Variants in FER1L5 observed in about 807,000 individuals in gnomAD.
FER1L5 encodes fer-1 like family member 5.
FER1L5 carries 187 observed loss-of-function variants against 279.9 expected under a neutral mutation model. The observed-to-expected ratio is 0.67, with a 90% CI of 0.59 to 0.75. The LOEUF is 0.75. Among genes scored for constraint, FER1L5 ranks in the 30% least tolerant of loss-of-function variants. The probability of loss-of-function intolerance (pLI) is 0.00; values close to 1 mark genes in which losing one functional copy is unlikely to be tolerated. For synonymous variants in FER1L5, 921 were observed against 989.7 expected (o/e 0.93, Z 1.30); for missense variants, 2,091 against 2,594.4 (o/e 0.81, Z 4.21).
intron 10 of FER1L5, among the ~76,000 whole-genome samples, 177 bp downstream of exon 10, chr2:96,660,548 A>T (rs1433215463): frequency 6.6e-6 from 1 of 152,012 alleles, no homozygotes; most frequent in Non-Finnish European, 1.5e-5. Context: ...ATTTTACCTT[A>T]TTTTTTAATT....
chr2:96,659,290 T>TCTCCTTCCTTCCTTCCTTCC (rs2075732527), intron 9 of FER1L5, among the ~76,000 whole-genome samples: 1 of 80,942 alleles, frequency 1.2e-5, no homozygotes. Flanking sequence ...TTTATCAAGC[T>TCTCCTTCCTTCCTTCCTTCC]TTCCTTCCTT....
rs1212183750 is a variant in FER1L5, at chr2:96,661,441, G to A, written c.894+1G>A. On this transcript the variant is annotated splice_donor_variant, in intron 11 of 52. Transcript: ENST00000624922. LOFTEE classifies it high-confidence loss of function. ...CCTCGGTGTGGGAGACCAGGCCCTG[G>A]TGAGCTGCCCCTAACCCCGGAAACT... 5.8e-6 allele frequency: 9 copies of A among 1,551,244 alleles called. No individual in the cohort carries two copies. Among genetic ancestry groups the A allele is most frequent in the East Asian group, 2.4e-5 (1 of 40,924 alleles).
intron 14 of FER1L5, among the ~76,000 whole-genome samples, chr2:96,663,754 A>G (rs1010577610): frequency 6.6e-6 from 1 of 152,160 alleles, no homozygotes; most frequent in Non-Finnish European, 1.5e-5. Flanking sequence ...TTTAAAATGT[A>G]CAATTTGGCT....
At chr2:96,666,992 T>C (rs1332714355) in intron 14 of FER1L5, among the ~76,000 whole-genome samples, 15 of 152,088 alleles carry the variant, frequency 9.9e-5, no homozygotes, top group Admixed American at 9.8e-4. Flanking sequence ...GAGGAAACCA[T>C]AATGCAGAGT....
chr2:96,697,893 G>A, intron 39 of FER1L5, 132 bp downstream of exon 39: 1 of 1,446,624 alleles, frequency 6.9e-7, no homozygotes, highest in Non-Finnish European at 9.4e-7. Context: ...AGCTCCAGCT[G>A]CCACCCTGTC....
chr2:96,670,249 T>A lies in FER1L5; in HGVS notation c.1491+2T>A. 7 of 1,550,498 alleles carry A rather than the reference T, an allele frequency of 4.5e-6. No homozygotes were observed. The highest frequency in any genetic ancestry group is 6.1e-6 in the Non-Finnish European group (7 of 1,146,262). On this transcript the variant is annotated splice_donor_variant, in intron 18 of 52. Coordinates refer to ENST00000624922, the MANE Select transcript of FER1L5 (RefSeq NM_001293083.2). LOFTEE classifies it high-confidence loss of function. ...TCCCATGAAGTGACCAGGATAGAGG[T>A]AACTGCGGGAAACAGGTAACCCAGG... is the stretch of plus-strand genomic sequence containing the variant.
intron 4 of FER1L5, 111 bp from the exon 5 acceptor site, chr2:96,649,512 G>C: frequency 1.0e-6 from 1 of 975,902 alleles, no homozygotes; most frequent in Non-Finnish European, 1.6e-6. Context: ...CTAGCATCAC[G>C]GCCCCCACCA....
intron 9 of FER1L5, among the ~76,000 whole-genome samples, chr2:96,659,384 T>TC (rs2075798662): frequency 9.7e-5 from 1 of 10,336 alleles, no homozygotes; most frequent in Non-Finnish European, 1.5e-4. Flanking sequence ...TTTCTTTCTT[T>TC]CTTTCTTTCT....
chr2:96,682,256 C>CT lies in FER1L5; in HGVS notation c.1670-2064dup, dbSNP rs538830936. On this transcript the variant is annotated intron_variant, in intron 19 of 52. Transcript: ENST00000624922. ...TGCCCACCATCACACTCGGCTAATT[C>CT]TTTTTTTATATTTTTAGTAGAGACA... Among the ~76,000 whole-genome samples, 89 of 152,190 alleles carry CT rather than the reference C, an allele frequency of 5.8e-4. 1 individual carries two copies. The East Asian group carries it at 0.016, about 28-fold the overall frequency.
intron 5 of FER1L5, 62 bp from the exon 6 acceptor site, chr2:96,650,118 A>G: frequency 1.5e-6 from 2 of 1,314,092 alleles, no homozygotes; most frequent in Non-Finnish European, 2.1e-6. Context: ...TGGAATGGGG[A>G]AAATACCTCA....
intron 4 of FER1L5, 77 bp downstream of exon 4, chr2:96,647,963 G>A: frequency 8.5e-7 from 1 of 1,179,152 alleles, no homozygotes; most frequent in African/African-American, 1.5e-5. Flanking sequence ...CACACCACAA[G>A]AGTGCTTCCT....
intron 8 of FER1L5, 49 bp downstream of exon 8, chr2:96,653,751 C>A: frequency 1.4e-6 from 2 of 1,398,410 alleles, no homozygotes; most frequent in Non-Finnish European, 2.0e-6. Context: ...TGTCCCACTT[C>A]AATACTGGGA....
At chr2:96,668,463 G>A (rs2076207728) in intron 14 of FER1L5, among the ~76,000 whole-genome samples, 1 of 152,176 alleles carries the variant, frequency 6.6e-6, no homozygotes, top group African/African-American at 2.4e-5. Flanking sequence ...GAGCCTGAGA[G>A]GTGTAGGCTG....
In FER1L5 at chr2:96,648,227, G is replaced by A. The variant is rs1380407732; in HGVS notation, c.339+341G>A. ...GCAAGGCCACTGGCTCAGGTCAGGA[G>A]GGAGTGAACAATTTGTCTCAGGAGG... On this transcript the variant is annotated intron_variant, in intron 4 of 52. Coordinates refer to ENST00000624922, the MANE Select transcript of FER1L5 (RefSeq NM_001293083.2). 2.0e-5 allele frequency among the ~76,000 whole-genome samples: 3 copies of A among 152,216 alleles called. No individual in the cohort carries two copies. The East Asian group carries it at 5.8e-4, about 29-fold the overall frequency.
In FER1L5 at chr2:96,684,443, G is replaced by T; in HGVS notation, c.1786G>T (p.Asp596Tyr). The change falls in exon 20 of 53, where the codon GAC becomes TAC. Residue 596 changes from aspartate to tyrosine, a missense_variant. Physicochemically the swap from Asp to Tyr is radical, Grantham distance 160. Coordinates refer to ENST00000624922, the MANE Select transcript of FER1L5 (RefSeq NM_001293083.2). ...CCTCAACCTCCTCCACTTCACTCGG[G>T]ACCGCCTGGTGAGTGGTGCGGGAGC... The part of the protein sequence containing the change: ...NCLNLLHFTR[D>Y]RLKANLDTLK... 1 of 1,551,444 alleles carries T rather than the reference G, an allele frequency of 6.4e-7. No individual in the cohort carries two copies. The highest frequency in any genetic ancestry group is 8.7e-7 in the Non-Finnish European group (1 of 1,146,902).
Position 96,704,278 on chromosome 2 carries a change from G to A in FER1L5, c.5865G>A (p.Trp1955Ter). 1 of 1,613,976 alleles carries A rather than the reference G, an allele frequency of 6.2e-7. No homozygotes were observed. Among genetic ancestry groups the A allele is most frequent in the Non-Finnish European group, 8.5e-7 (1 of 1,179,890 alleles). ...SPVQNFCYIFWKRYRFKLIAF... is the reference protein window; with the variant it reads ...SPVQNFCYIF ...TTCAAAACTTCTGCTATATTTTCTG[G>A]AAACGCTATCGCTTCAAACTCATAG... Residue 1955 changes from tryptophan (W) to a stop codon, truncating the protein, a stop_gained, in exon 52 of 53, where the codon TGG (tryptophan) becomes TGA (stop). Coordinates refer to ENST00000624922, the MANE Select transcript of FER1L5 (RefSeq NM_001293083.2). LOFTEE classifies it high-confidence loss of function.
chr2:96,704,129 T>G (rs2077696110), intron 51 of FER1L5, 86 bp from the exon 52 acceptor site: 1 of 1,529,374 alleles, frequency 6.5e-7, no homozygotes, highest in Non-Finnish European at 8.8e-7. Context: ...TAGTTGCTTT[T>G]TTAAAAAAGA....
chr2:96,689,035 G>T lies in FER1L5; in HGVS notation c.2362-178G>T. 1.5e-6 allele frequency: 1 copy of T among 659,618 alleles called. No homozygotes were observed. Among genetic ancestry groups the T allele is most frequent in the Non-Finnish European group, 2.5e-6 (1 of 393,454 alleles). 40.9% of individuals were successfully genotyped at this position (659,618 alleles called of 1,614,324 possible). On this transcript the variant is annotated intron_variant, in intron 24 of 52. Transcript: ENST00000624922. This position sits in a 1 kb window ranked among gnomAD's most constrained non-coding sequence, Gnocchi z 4.6. ...CTGCCAGCTGAATGATCCAGGGCAG[G>T]GTTGACCTCTGGGCCTCAGTGCCCT...
At chr2:96,648,030 C>T (rs2075211449) in intron 4 of FER1L5, 144 bp downstream of exon 4, 2 of 636,586 alleles carry the variant, frequency 3.1e-6, no homozygotes, top group Non-Finnish European at 5.6e-6. Flanking sequence ...TTGCCATCAT[C>T]TGCGCCCCCC....
Sources: allele counts gnomAD v4.1 joint callset (sites outside exome capture counted in the v4.1 genomes callset), GRCh38; gene constraint gnomAD v4.1.1; non-coding constraint Gnocchi (gnomAD v3.1); transcripts MANE v1.5; gene names NCBI Gene and HGNC (gene_info 2026-07-23, HGNC 2026-07-21).